FOXN3: variants seen among roughly 807,000 people sequenced by gnomAD.
FOXN3 encodes the protein forkhead box N3, also known as forkhead box protein N3.
In FOXN3, 7 loss-of-function variants were observed where a neutral mutation model predicts 38.4. That is an observed-to-expected ratio of 0.18 (90% CI 0.10 to 0.34). The LOEUF (loss-of-function observed/expected upper bound fraction) is 0.34. Ranked by LOEUF, FOXN3 falls within the 10% of genes least tolerant of loss-of-function variation. The probability of loss-of-function intolerance (pLI) is 1.00; values close to 1 mark genes in which losing one functional copy is unlikely to be tolerated. For synonymous variants in FOXN3, 230 were observed against 242.2 expected (o/e 0.95, Z 0.47); for missense variants, 456 against 613.4 (o/e 0.74, Z 2.71).
intron 4 of FOXN3, 84 bp from the exon 5 acceptor site, chr14:89,180,890 C>G: frequency 1.4e-6 from 1 of 712,300 alleles, no homozygotes; most frequent in Non-Finnish European, 2.1e-6. Flanking sequence ...CTGGATAGAC[C>G]AATAAGAGAG....
chr14:89,191,091 T>A (rs1369541941), intron 4 of FOXN3, among the ~76,000 whole-genome samples: 1 of 152,070 alleles, frequency 6.6e-6, no homozygotes, highest in African/African-American at 2.4e-5. Context: ...AAAAAAAAAA[T>A]ACTCATCACT....
intron 2 of FOXN3, among the ~76,000 whole-genome samples, chr14:89,385,499 T>TA (rs10681650): frequency 0.39 from 42,800 of 108,714 alleles, 9,708 homozygotes; most frequent in Admixed American, 0.56. Flanking sequence ...GGCAAACATT[T>TA]AAAAAAAAAA....
intron 1 of FOXN3, among the ~76,000 whole-genome samples, chr14:89,454,365 A>C (rs1253134567): frequency 6.6e-6 from 1 of 152,250 alleles, no homozygotes; most frequent in East Asian, 1.9e-4. Context: ...AGTCCTCGCC[A>C]GGAAGCAAAA....
At chr14:89,573,913 C>T (rs1242798504) in intron 1 of FOXN3, among the ~76,000 whole-genome samples, 1 of 151,974 alleles carries the variant, frequency 6.6e-6, no homozygotes, top group Non-Finnish European at 1.5e-5. Context: ...CACCTGTGGT[C>T]CCAGCTACTC....
intron 2 of FOXN3, among the ~76,000 whole-genome samples, chr14:89,384,320 T>C (rs1296983974): frequency 8.5e-6 from 1 of 117,748 alleles, no homozygotes; most frequent in Non-Finnish European, 2.0e-5. Context: ...ACTTTGCAGA[T>C]ATAGAAACTA....
At chr14:89,372,132 A>G (rs1460498723) in intron 2 of FOXN3, among the ~76,000 whole-genome samples, 1 of 152,208 alleles carries the variant, frequency 6.6e-6, no homozygotes, top group East Asian at 1.9e-4. Context: ...CTTGGAATCT[A>G]CATGCCACAG....
intron 1 of FOXN3, among the ~76,000 whole-genome samples, chr14:89,590,008 G>A (rs754733906): frequency 1.3e-4 from 20 of 152,130 alleles, no homozygotes; most frequent in Non-Finnish European, 2.2e-4. Context: ...GACTGATGCC[G>A]GGCAGGCCCC....
chr14:89,236,447 G>A (rs561635927), intron 4 of FOXN3, among the ~76,000 whole-genome samples: 4 of 152,230 alleles, frequency 2.6e-5, no homozygotes, highest in Non-Finnish European at 5.9e-5. Context: ...CCCGGGAGGC[G>A]GAGCTTGCAG....
At chr14:89,304,839 G>T (rs996512135) in intron 3 of FOXN3, among the ~76,000 whole-genome samples, 1 of 151,674 alleles carries the variant, frequency 6.6e-6, no homozygotes, top group Non-Finnish European at 1.5e-5. Context: ...CTGGTGGAGC[G>T]GGGGACCCTG....
rs976257383 is a variant in FOXN3 at position 89,157,710 on chromosome 14, T to C, written c.*4704A>G. ...TAAAAGAGGGTTATCACTTAGGTTA[T>C]ATAGCAAAAGTGTTGATGTATATTA... On this transcript the variant is annotated 3_prime_UTR_variant, in exon 6 of 6. Transcript: ENST00000557258. 5.2e-5 allele frequency: 8 copies of C among 152,670 alleles called. No individual in the cohort carries two copies. Among genetic ancestry groups the C allele is most frequent in the Admixed American group, 1.3e-4 (2 of 15,282 alleles). The allele number at this position is 152,670 out of a possible 1,614,324, so 9.5% of individuals were successfully genotyped here. A position where few individuals can be genotyped will look rare whatever the true frequency, so the allele number is the denominator to read the frequency against.
chr14:89,472,381 C>G (rs1182678128), intron 1 of FOXN3, among the ~76,000 whole-genome samples: 1 of 152,108 alleles, frequency 6.6e-6, no homozygotes, highest in Non-Finnish European at 1.5e-5. Context: ...CAGAAGTGAC[C>G]TTCTTCTTCC....
intron 1 of FOXN3, among the ~76,000 whole-genome samples, chr14:89,491,140 T>A (rs1566673812): frequency 3.3e-5 from 4 of 120,948 alleles, no homozygotes; most frequent in African/African-American, 1.2e-4. Flanking sequence ...TTTTGTTTTT[T>A]GTTTTTTTTT....
At chr14:89,569,805 T>C (rs1895452909) in intron 1 of FOXN3, among the ~76,000 whole-genome samples, 1 of 152,174 alleles carries the variant, frequency 6.6e-6, no homozygotes, top group Admixed American at 6.5e-5. Context: ...TCATACCTGA[T>C]GGGGAGCCAT....
At chr14:89,603,601 T>C (rs993828408) in intron 1 of FOXN3, among the ~76,000 whole-genome samples, 1 of 152,206 alleles carries the variant, frequency 6.6e-6, no homozygotes, top group Admixed American at 6.5e-5. Context: ...AAGCAGGATG[T>C]AAGTTTCTTT....
intron 3 of FOXN3, chr14:89,291,339 C>T (rs764309269): frequency 9.0e-6 from 5 of 556,814 alleles, no homozygotes; most frequent in Admixed American, 5.9e-5. Flanking sequence ...CATGAGATGC[C>T]ATCAGAAGGA....
At chr14:89,455,097 C>T (rs192703848) in intron 1 of FOXN3, among the ~76,000 whole-genome samples, 12 of 152,308 alleles carry the variant, frequency 7.9e-5, no homozygotes, top group African/African-American at 1.9e-4. Context: ...AATGTTCGCT[C>T]GGGCAGGCTT....
intron 4 of FOXN3, among the ~76,000 whole-genome samples, chr14:89,233,084 G>A (rs565963160): frequency 2.6e-5 from 4 of 152,134 alleles, no homozygotes; most frequent in South Asian, 4.1e-4. Flanking sequence ...GAGGGCATCC[G>A]ACACAAAGGA....
chr14:89,489,622 T>C (rs1347961252), intron 1 of FOXN3, among the ~76,000 whole-genome samples: 1 of 152,206 alleles, frequency 6.6e-6, no homozygotes, highest in African/African-American at 2.4e-5. Context: ...CACCGACATA[T>C]ACGATGGCAA....
intron 3 of FOXN3, among the ~76,000 whole-genome samples, chr14:89,323,287 CA>C (rs60059606): frequency 0.035 from 2,674 of 75,926 alleles, 50 homozygotes; most frequent in African/African-American, 0.11. Flanking sequence ...GACTCCATCT[CA>C]AAAAAAAAAA....
Sources: gnomAD v4.1 joint callset for allele counts (sites outside exome capture counted in the v4.1 genomes callset) on GRCh38, gnomAD v4.1.1 for gene constraint, MANE v1.5 for transcripts, NCBI Gene and HGNC (gene_info 2026-07-23, HGNC 2026-07-21) for gene names.